ANO2: variants seen among roughly 807,000 people sequenced by gnomAD.
The protein encoded by ANO2 is anoctamin-2.
Under a neutral mutation model 124.2 loss-of-function variants are expected in ANO2, and 101 were observed. The ratio of observed to expected loss-of-function variants is 0.81; its 90% CI spans 0.69 to 0.96. The LOEUF (loss-of-function observed/expected upper bound fraction) is 0.96. Among genes scored for constraint, ANO2 ranks in the 40% least tolerant of loss-of-function variants. ANO2 has a pLI of 0.00. For synonymous variants in ANO2, 486 were observed against 482.5 expected (o/e 1.01, Z -0.09); for missense variants, 1,293 against 1,274.5 (o/e 1.01, Z -0.22).
intron 1 of ANO2, among the ~76,000 whole-genome samples, chr12:5,927,423 G>A (rs1234616213): frequency 6.6e-6 from 1 of 152,298 alleles, no homozygotes; most frequent in South Asian, 2.1e-4. Flanking sequence ...AACAGAGACT[G>A]AAGGATGGAG....
At chr12:5,839,876 C>T (rs1249192532) in intron 4 of ANO2, among the ~76,000 whole-genome samples, 1 of 151,138 alleles carries the variant, frequency 6.6e-6, no homozygotes, top group Admixed American at 6.6e-5. Flanking sequence ...GGCTTCCTGC[C>T]TTCCCCTTCT....
At chr12:5,581,068 C>T (rs1942726935) in intron 20 of ANO2, among the ~76,000 whole-genome samples, 1 of 152,120 alleles carries the variant, frequency 6.6e-6, no homozygotes, top group Non-Finnish European at 1.5e-5. Context: ...GAGGAATTCA[C>T]TTTGGAGTCA....
chr12:5,620,417 A>G (rs1440338627), intron 16 of ANO2, among the ~76,000 whole-genome samples: 2 of 152,192 alleles, frequency 1.3e-5, no homozygotes, highest in African/African-American at 2.4e-5. Context: ...TACTTTGCAA[A>G]GAGCATTGCC....
intron 15 of ANO2, among the ~76,000 whole-genome samples, chr12:5,642,938 T>G (rs1427715651): frequency 6.6e-6 from 1 of 152,164 alleles, no homozygotes; most frequent in Non-Finnish European, 1.5e-5. Context: ...TGTGGCTGGC[T>G]CCTCCACCTC....
chr12:5,861,187 C>G (rs1207168819), intron 3 of ANO2, among the ~76,000 whole-genome samples: 1 of 152,124 alleles, frequency 6.6e-6, no homozygotes, highest in Admixed American at 6.5e-5. Context: ...CATAGACATA[C>G]AGCTAATTAC....
At chr12:5,615,615 C>A (rs1944765575) in intron 16 of ANO2, among the ~76,000 whole-genome samples, 1 of 152,112 alleles carries the variant, frequency 6.6e-6, no homozygotes, top group African/African-American at 2.4e-5. Flanking sequence ...TGCAACCACC[C>A]CCTTTTCTGC....
At chr12:5,668,021 C>T (rs1947817223) in intron 14 of ANO2, among the ~76,000 whole-genome samples, 1 of 152,176 alleles carries the variant, frequency 6.6e-6, no homozygotes, top group Non-Finnish European at 1.5e-5. Flanking sequence ...CATACATGTG[C>T]ATGTATCTTT....
chr12:5,565,534 C>G (rs370112327), intron 24 of ANO2, 24 bp downstream of exon 24: 1 of 1,559,434 alleles, frequency 6.4e-7, no homozygotes, highest in Non-Finnish European at 8.7e-7. Flanking sequence ...TTCGAATGGG[C>G]TATTCCCTAT....
chr12:5,945,445 T>C (rs1309389250), upstream of ANO2, among the ~76,000 whole-genome samples: 4 of 152,016 alleles, frequency 2.6e-5, no homozygotes, highest in Admixed American at 6.5e-5. Context: ...GCGTCGAGAA[T>C]GGAGCGCGGT....
intron 12 of ANO2, chr12:5,740,079 A>T: frequency 2.3e-6 from 1 of 426,808 alleles, no homozygotes; most frequent in Non-Finnish European, 4.7e-6. Context: ...TTGAAGGACC[A>T]GCACGCCTTT....
At chr12:5,625,796 A>G (rs540817578) in intron 16 of ANO2, among the ~76,000 whole-genome samples, 74 of 152,250 alleles carry the variant, frequency 4.9e-4, no homozygotes, top group African/African-American at 1.5e-3. Context: ...GTGCTCTACA[A>G]TATGATTCAC....
chr12:5,799,690 G>A (rs1399858593), intron 9 of ANO2, 119 bp from the exon 10 acceptor site: 3 of 867,358 alleles, frequency 3.5e-6, no homozygotes, highest in Non-Finnish European at 5.6e-6. Context: ...AAATTCTCAT[G>A]AGACATCCAG....
intron 14 of ANO2, among the ~76,000 whole-genome samples, chr12:5,713,194 TGAG>T (rs1949878455): frequency 6.6e-6 from 1 of 151,866 alleles, no homozygotes; most frequent in African/African-American, 2.4e-5. Context: ...CCAGAGATGG[TGAG>T]TGGTTCAACC....
intron 1 of ANO2, among the ~76,000 whole-genome samples, chr12:5,934,858 T>C (rs941054348): frequency 2.0e-4 from 30 of 152,124 alleles, no homozygotes; most frequent in Non-Finnish European, 2.9e-5. Context: ...ATTAAAGATA[T>C]CATTCTTATT....
Position 5,921,331 on chromosome 12 carries a change from C to T in ANO2, c.243G>A (p.Val81=). Residue 81 remains valine (V), a synonymous_variant, in exon 3 of 25, where the codon GTG becomes GTA. Transcript: ENST00000682330. ...TGCGGCTAAGACGGGCCTCCAAGGA[C>T]ACAGGCTCATTGGCATCCAGATAGT... The part of the protein sequence containing the change: ...INNYLDANEP[V]SLEARLSRMH... 6.2e-7 allele frequency: 1 copy of T among 1,613,934 alleles called. No individual in the cohort carries two copies. Among genetic ancestry groups the T allele is most frequent in the South Asian group, 1.1e-5 (1 of 91,068 alleles).
At chr12:5,714,964 A>G (rs1949963227) in intron 14 of ANO2, among the ~76,000 whole-genome samples, 1 of 152,200 alleles carries the variant, frequency 6.6e-6, no homozygotes, top group Non-Finnish European at 1.5e-5. Flanking sequence ...GGGGAGATAA[A>G]GTGACTATCG....
intron 3 of ANO2, among the ~76,000 whole-genome samples, chr12:5,863,495 T>C (rs1222387926): frequency 6.6e-6 from 1 of 152,148 alleles, no homozygotes; most frequent in Non-Finnish European, 1.5e-5. Context: ...ACCAAAGCTC[T>C]CTCGGATTGA....
At chr12:5,615,155 G>A in intron 17 of ANO2, 31 bp downstream of exon 17, 1 of 1,578,588 alleles carries the variant, frequency 6.3e-7, no homozygotes, top group African/African-American at 1.3e-5. Flanking sequence ...GTGGCAAATT[G>A]CCTTTCTACA....
intron 4 of ANO2, among the ~76,000 whole-genome samples, chr12:5,845,566 C>A (rs1954656404): frequency 9.9e-6 from 1 of 101,404 alleles, no homozygotes; most frequent in African/African-American, 3.6e-5. Context: ...GACTACATCT[C>A]AAAAAAAAAA....
Sources: gnomAD v4.1 joint callset for allele counts (sites outside exome capture counted in the v4.1 genomes callset) on GRCh38, gnomAD v4.1.1 for gene constraint, MANE v1.5 for transcripts, NCBI Gene and HGNC (gene_info 2026-07-23, HGNC 2026-07-21) for gene names.